CNTN5: variants seen among roughly 807,000 people sequenced by gnomAD.
CNTN5 encodes contactin 5.
In CNTN5, 77 loss-of-function variants were observed where a neutral mutation model predicts 129.1. The observed-to-expected ratio is 0.60, with a 90% CI of 0.50 to 0.72. CNTN5 has a LOEUF of 0.72. CNTN5 is among the 30% of genes least tolerant of loss of function. The pLI is 0.00. For missense variants in CNTN5, 1,478 were observed against 1,328.8 expected (o/e 1.11, Z -1.75); for synonymous variants, 509 against 465.6 (o/e 1.09, Z -1.20).
intron 2 of CNTN5, among the ~76,000 whole-genome samples, chr11:99,368,512 A>G (rs1939605349): frequency 6.6e-6 from 1 of 152,074 alleles, no homozygotes; most frequent in Non-Finnish European, 1.5e-5. Flanking sequence ...TATAAGCTTT[A>G]TCTTCAGTCC....
At chr11:100,101,788 T>A (rs1945233343) in intron 13 of CNTN5, among the ~76,000 whole-genome samples, 1 of 152,162 alleles carries the variant, frequency 6.6e-6, no homozygotes, top group Admixed American at 6.6e-5. Flanking sequence ...TGCCTTTGCA[T>A]CCTCGTAGCT....
chr11:99,035,190 G>C lies in CNTN5; in HGVS notation c.-210+13920G>C, dbSNP rs1014128140. On this transcript the variant is annotated intron_variant, in intron 1 of 24. Transcript: ENST00000524871. ...TTGCCGAGGAGAGCTTTACTTCCAA[G>C]TATGTGGTCAATTTTGGAATAGGTG... Among the ~76,000 whole-genome samples, 843 of 150,806 alleles carry C rather than the reference G, an allele frequency of 5.6e-3. 10 individuals are homozygous for C. The highest frequency in any genetic ancestry group is 0.02 in the African/African-American group (813 of 40,796).
chr11:99,735,249 A>C (rs555104572), intron 3 of CNTN5, among the ~76,000 whole-genome samples: 1 of 152,284 alleles, frequency 6.6e-6, no homozygotes, highest in South Asian at 2.1e-4. Flanking sequence ...TTTTATCAGA[A>C]TTCACCTTCC....
At chr11:100,037,307 A>G in intron 9 of CNTN5, among the ~76,000 whole-genome samples, 1 of 151,242 alleles carries the variant, frequency 6.6e-6, no homozygotes, top group Non-Finnish European at 1.5e-5. Flanking sequence ...CTTGCATCCC[A>G]GGGATGAAGC....
intron 2 of CNTN5, among the ~76,000 whole-genome samples, chr11:99,461,593 T>C (rs1393209861): frequency 6.6e-6 from 1 of 152,180 alleles, no homozygotes; most frequent in African/African-American, 2.4e-5. Flanking sequence ...AAAGCATTGA[T>C]ATTGCTTAGT....
At chr11:99,655,811 A>T (rs1182289506) in intron 3 of CNTN5, among the ~76,000 whole-genome samples, 2 of 151,994 alleles carry the variant, frequency 1.3e-5, no homozygotes, top group African/African-American at 4.8e-5. Context: ...GTAGTAGAAT[A>T]AAGAGGTAGG....
intron 1 of CNTN5, among the ~76,000 whole-genome samples, chr11:99,116,874 A>G (rs533362857): frequency 5.8e-4 from 88 of 151,998 alleles, no homozygotes; most frequent in African/African-American, 2.1e-3. Flanking sequence ...AAGTAAATAG[A>G]GTAAGCTGCT....
chr11:100,082,758 T>C (rs1262125518), intron 13 of CNTN5, among the ~76,000 whole-genome samples: 1 of 152,172 alleles, frequency 6.6e-6, no homozygotes, highest in Non-Finnish European at 1.5e-5. Context: ...TAAATGCAGC[T>C]AATTGTTCAC....
At chr11:99,487,866 T>C (rs1242977766) in intron 2 of CNTN5, among the ~76,000 whole-genome samples, 1 of 152,174 alleles carries the variant, frequency 6.6e-6, no homozygotes, top group Non-Finnish European at 1.5e-5. Flanking sequence ...CTAAATGAGT[T>C]TGTACGTGCC....
chr11:100,101,511 T>C (rs1945223085), intron 13 of CNTN5, among the ~76,000 whole-genome samples: 1 of 152,162 alleles, frequency 6.6e-6, no homozygotes, highest in African/African-American at 2.4e-5. Flanking sequence ...TTCCATCATC[T>C]TTCCTCATGC....
chr11:100,043,377 C>G (rs992088416), intron 9 of CNTN5, among the ~76,000 whole-genome samples: 1 of 152,122 alleles, frequency 6.6e-6, no homozygotes, highest in Non-Finnish European at 1.5e-5. Context: ...TATAGCCACT[C>G]TATCAATTTT....
At chr11:99,842,582 C>T (rs1357541649) in intron 4 of CNTN5, among the ~76,000 whole-genome samples, 2 of 152,126 alleles carry the variant, frequency 1.3e-5, no homozygotes, top group African/African-American at 4.8e-5. Context: ...TTGTCTATAA[C>T]ACTTATTATA....
intron 18 of CNTN5, among the ~76,000 whole-genome samples, chr11:100,290,236 C>T (rs1359265309): frequency 1.3e-5 from 2 of 151,836 alleles, no homozygotes; most frequent in African/African-American, 4.8e-5. Context: ...TGCCTTTCTT[C>T]ACAGAATTGG....
At chr11:99,892,524 C>T (rs549398478) in intron 6 of CNTN5, among the ~76,000 whole-genome samples, 10 of 152,212 alleles carry the variant, frequency 6.6e-5, no homozygotes, top group African/African-American at 2.4e-4. Context: ...GGAAGGGGTC[C>T]AGTTTCAGTT....
chr11:99,147,964 A>G (rs1054674257), intron 1 of CNTN5, among the ~76,000 whole-genome samples: 10 of 152,124 alleles, frequency 6.6e-5, no homozygotes, highest in African/African-American at 2.4e-4. Context: ...GATTTATACA[A>G]GATAACACAG....
intron 1 of CNTN5, among the ~76,000 whole-genome samples, chr11:99,323,881 G>C (rs148739273): frequency 6.6e-6 from 1 of 152,072 alleles, no homozygotes; most frequent in Non-Finnish European, 1.5e-5. Flanking sequence ...AAGAAAAAAG[G>C]AAGAGGGACA....
chr11:100,348,817 C>T (rs1464259593), intron 23 of CNTN5, among the ~76,000 whole-genome samples: 1 of 152,014 alleles, frequency 6.6e-6, no homozygotes, highest in East Asian at 1.9e-4. Flanking sequence ...CCACTTTGTG[C>T]ATTACCATAG....
At chr11:100,273,803 G>A (rs1004487014) in intron 18 of CNTN5, among the ~76,000 whole-genome samples, 1 of 152,152 alleles carries the variant, frequency 6.6e-6, no homozygotes, top group Non-Finnish European at 1.5e-5. Context: ...ACTGCCCAAA[G>A]CAATTTATAG....
At chr11:99,820,192 A>G (rs557366919) in intron 4 of CNTN5, among the ~76,000 whole-genome samples, 2 of 24,316 alleles carry the variant, frequency 8.2e-5, no homozygotes, top group African/African-American at 2.9e-4. Flanking sequence ...TGTATGCATT[A>G]TTATGTAATT....
Sources: allele counts gnomAD v4.1 joint callset (sites outside exome capture counted in the v4.1 genomes callset), GRCh38; gene constraint gnomAD v4.1.1; transcripts MANE v1.5; gene names NCBI Gene and HGNC (gene_info 2026-07-23, HGNC 2026-07-21).